Variants in PHF8 observed in about 807,000 individuals in gnomAD.
PHF8 encodes the protein PHD finger protein 8.
In PHF8, 9 loss-of-function variants were observed where a neutral mutation model predicts 74.4. The ratio of observed to expected loss-of-function variants is 0.12; its 90% CI spans 0.07 to 0.21. The LOEUF is 0.21. Ranked by LOEUF, PHF8 falls within the 10% of genes least tolerant of loss-of-function variation. The pLI is 1.00. For missense variants in PHF8, 478 were observed against 816.6 expected, an observed-to-expected ratio of 0.59 and a Z score of 5.05; for synonymous variants, 311 against 316.6, an observed-to-expected ratio of 0.98 and a Z score of 0.19.
At chrX:53,974,786 T>C (rs2065348334) in intron 18 of PHF8, among the ~76,000 whole-genome samples, 1 of 112,008 alleles carries the variant, frequency 8.9e-6, no homozygotes. Flanking sequence ...GAAGCTGTTA[T>C]TCTCAGCAAA....
At chrX:53,997,761 C>T (rs904390355) in intron 11 of PHF8, among the ~76,000 whole-genome samples, 1 of 111,816 alleles carries the variant, frequency 8.9e-6, no homozygotes, top group Non-Finnish European at 1.9e-5. Context: ...CACAGTCACT[C>T]TAAAGTTCAC....
chrX:54,034,002 C>A (rs1466647655), intron 2 of PHF8, among the ~76,000 whole-genome samples: 1 of 110,836 alleles, frequency 9.0e-6, no homozygotes. Context: ...AAGAATCTAA[C>A]AGAATTTTTA....
upstream of PHF8, among the ~76,000 whole-genome samples, chrX:54,047,757 C>A (rs1877016083): frequency 9.0e-6 from 1 of 110,810 alleles, no homozygotes; most frequent in Non-Finnish European, 1.9e-5. Context: ...GAAAGTAAGA[C>A]CAGTTATGAG....
intron 6 of PHF8, among the ~76,000 whole-genome samples, chrX:54,015,740 AATAATCAGACAGTAAG>A (rs1173763743): frequency 4.0e-4 from 45 of 111,174 alleles, no homozygotes; most frequent in African/African-American, 1.5e-3. Flanking sequence ...TAAAAATGTA[AATAATCAGACAGTAAG>A]TTTCCTAAGG....
rs191650390 is a variant in PHF8, at chrX:54,018,669, G to A, written c.294-848C>T. Among the ~76,000 whole-genome samples, 206 of 107,107 alleles carry A rather than the reference G, an allele frequency of 1.9e-3. 1 individual carries two copies. The highest frequency in any genetic ancestry group is 6.6e-3 in the African/African-American group (193 of 29,241). The allele number at this position is 107,107 out of a possible 115,157, so 93.0% of individuals were successfully genotyped here. A position where few individuals can be genotyped will look rare whatever the true frequency, so the allele number is the denominator to read the frequency against. On this transcript the variant is annotated intron_variant, in intron 4 of 21. Coordinates refer to ENST00000338154, the MANE Select transcript of PHF8 (RefSeq NM_015107.3). Reference sequence around the variant, plus strand: ...GAGTTTTGCTCTTGTTGCCCAGGCTGGAGTGCAATGGCACAATCTCGGCTC... The same window carrying A: ...GAGTTTTGCTCTTGTTGCCCAGGCTAGAGTGCAATGGCACAATCTCGGCTC...
chrX:54,005,043 G>C (rs2065877197), intron 8 of PHF8, among the ~76,000 whole-genome samples: 1 of 111,367 alleles, frequency 9.0e-6, no homozygotes, highest in Non-Finnish European at 1.9e-5. Context: ...TACCCAATCT[G>C]AACTTGAACA....
intron 18 of PHF8, among the ~76,000 whole-genome samples, chrX:53,967,174 G>A (rs782105226): frequency 4.1e-4 from 31 of 75,566 alleles, no homozygotes; most frequent in African/African-American, 1.6e-3. Flanking sequence ...CAGCCGCCCC[G>A]TCCGGGAGGT....
intron 4 of PHF8, among the ~76,000 whole-genome samples, chrX:54,018,184 AAAC>A (rs782682309): frequency 8.9e-6 from 1 of 112,564 alleles, no homozygotes; most frequent in Non-Finnish European, 1.9e-5. Context: ...GATTTAAACA[AAAC>A]AACAACATTT....
intron 18 of PHF8, among the ~76,000 whole-genome samples, chrX:53,978,265 A>G (rs782521932): frequency 1.8e-5 from 2 of 110,489 alleles, no homozygotes; most frequent in South Asian, 7.8e-4. Context: ...CTGTAAAGTT[A>G]AAACACCCAC....
rs1181843253 is a variant in PHF8 at position 54,044,051 on chromosome X, C to A, written c.-382G>T. The A allele has an allele frequency of 2.7e-6, 2 of 754,584 alleles. No individual in the cohort carries two copies. The highest frequency in any genetic ancestry group is 2.3e-5 in the African/African-American group (1 of 43,875). 62.2% of individuals were successfully genotyped at this position (754,584 alleles called of 1,213,427 possible). The stretch of plus-strand genomic sequence containing the variant: ...CTCGCTCGCCTTCCCCTCGAGCCCC[C>A]CGCTGGGTCGCGCGGCGCCAGCCGC... On this transcript the variant is annotated 5_prime_UTR_variant, in exon 1 of 22. Transcript: ENST00000338154.
Position 53,950,889 on chromosome X carries a change from TA to T in PHF8, c.2540-6647del, listed in dbSNP as rs782025560. Among the ~76,000 whole-genome samples the T allele has an allele frequency of 1.2e-4, 13 of 111,639 alleles. No homozygotes were observed. The South Asian group carries it at 4.8e-3, about 42-fold the overall frequency. ...AAAAATTACAAGACATACAAAGAAA[TA>T]AAGTATAGCCATTCACAAGAAAAAA... On this transcript the variant is annotated intron_variant, in intron 19 of 21. Transcript: ENST00000338154.
chrX:54,018,983 T>G (rs1029150629), intron 4 of PHF8, among the ~76,000 whole-genome samples: 2 of 111,461 alleles, frequency 1.8e-5, no homozygotes, highest in African/African-American at 6.5e-5. Context: ...AAATAAAGCT[T>G]TAAGAGTAGA....
chrX:54,008,620 G>A (rs1557105946), intron 8 of PHF8, among the ~76,000 whole-genome samples: 2 of 108,754 alleles, frequency 1.8e-5, no homozygotes, highest in Non-Finnish European at 3.8e-5. Context: ...CAGCTTGGGA[G>A]GTAGAGGTTG....
chrX:54,031,236 T>C (rs2066349777), intron 2 of PHF8, among the ~76,000 whole-genome samples: 1 of 111,006 alleles, frequency 9.0e-6, no homozygotes, highest in Non-Finnish European at 1.9e-5. Flanking sequence ...TGGAACTGAG[T>C]GGGAGCTGAG....
chrX:53,983,473 G>C (rs1000125921), intron 18 of PHF8, among the ~76,000 whole-genome samples: 7 of 111,581 alleles, frequency 6.3e-5, no homozygotes, highest in African/African-American at 2.3e-4. Context: ...TTTGCCATAA[G>C]GTTGGCAAAA....
chrX:53,967,089 TG>T (rs1372331947), intron 18 of PHF8, among the ~76,000 whole-genome samples: 1 of 108,627 alleles, frequency 9.2e-6, no homozygotes, highest in African/African-American at 3.3e-5. Context: ...CCACCCCGTC[TG>T]GGAAGTGAGG....
At chrX:53,981,321 G>A (rs1281736581) in intron 18 of PHF8, among the ~76,000 whole-genome samples, 1 of 112,433 alleles carries the variant, frequency 8.9e-6, no homozygotes, top group Non-Finnish European at 1.9e-5. Flanking sequence ...CAACCAATCA[G>A]TGGTAGACTT....
At chrX:54,040,104 T>C (rs1359847974) in intron 2 of PHF8, 1 of 112,201 alleles carries the variant, frequency 8.9e-6, no homozygotes, top group Non-Finnish European at 1.9e-5. Context: ...AAGAACATTA[T>C]TTAAAAGAGA....
intron 18 of PHF8, among the ~76,000 whole-genome samples, chrX:53,977,849 T>C (rs1314225034): frequency 9.3e-6 from 1 of 107,838 alleles, no homozygotes; most frequent in Non-Finnish European, 1.9e-5. Context: ...GGTTTCACCG[T>C]GTTAGCCAGG....
Sources: allele counts gnomAD v4.1 joint callset (sites outside exome capture counted in the v4.1 genomes callset), GRCh38; gene constraint gnomAD v4.1.1; transcripts MANE v1.5; gene names NCBI Gene and HGNC (gene_info 2026-07-23, HGNC 2026-07-21).